The following TBC1D5 variants were observed in gnomAD, a reference collection of about 807,000 sequenced individuals.
TBC1D5 encodes TBC1 domain family member 5, also known as TBC1 domain family, member 5.
In TBC1D5, 75 loss-of-function variants were observed where a neutral mutation model predicts 100.3. The observed-to-expected ratio is 0.75, with a 90% confidence interval of 0.62 to 0.91. The LOEUF (loss-of-function observed/expected upper bound fraction) is 0.91. Ranked by LOEUF, TBC1D5 falls within the 40% of genes least tolerant of loss-of-function variation. The pLI is 0.00. For missense variants in TBC1D5, 910 were observed against 942.4 expected (o/e 0.97, Z 0.45); for synonymous variants, 323 against 325.6 (o/e 0.99, Z 0.09).
chr3:17,163,320 G>A (rs1366106310), intron 21 of TBC1D5, among the ~76,000 whole-genome samples: 1 of 150,554 alleles, frequency 6.6e-6, no homozygotes, highest in Non-Finnish European at 1.5e-5. Flanking sequence ...AGGAGACCTG[G>A]TAGCTTGGCC....
intron 1 of TBC1D5, among the ~76,000 whole-genome samples, chr3:17,687,261 A>C (rs1363210009): frequency 6.6e-6 from 1 of 152,146 alleles, no homozygotes; most frequent in Non-Finnish European, 1.5e-5. Context: ...TTCATATATC[A>C]AAATGTTTTC....
chr3:17,261,325 A>T (rs1375036917), intron 15 of TBC1D5, among the ~76,000 whole-genome samples: 1 of 152,258 alleles, frequency 6.6e-6, no homozygotes, highest in Non-Finnish European at 1.5e-5. Flanking sequence ...ACATATATAA[A>T]TGTACACATA....
intron 1 of TBC1D5, among the ~76,000 whole-genome samples, chr3:17,652,271 C>T (rs1395755482): frequency 6.6e-6 from 1 of 151,986 alleles, no homozygotes; most frequent in African/African-American, 2.4e-5. Context: ...CCTTTCTCTA[C>T]CCTACTATAT....
chr3:17,552,561 C>T (rs2096483176), intron 2 of TBC1D5, among the ~76,000 whole-genome samples: 1 of 151,984 alleles, frequency 6.6e-6, no homozygotes, highest in African/African-American at 2.4e-5. Flanking sequence ...ATTCTAGGCC[C>T]TAGGACATAG....
At chr3:17,180,306 A>G (rs2068291358) in intron 19 of TBC1D5, among the ~76,000 whole-genome samples, 1 of 152,220 alleles carries the variant, frequency 6.6e-6, no homozygotes, top group Admixed American at 6.5e-5. Context: ...CTGTGAGGAA[A>G]TACTGTTAAC....
At chr3:17,602,664 C>T (rs141120329) in intron 2 of TBC1D5, among the ~76,000 whole-genome samples, 223 of 148,104 alleles carry the variant, frequency 1.5e-3, no homozygotes, top group Middle Eastern at 3.4e-3. Context: ...GCTCCACCTC[C>T]TGGGTTCGTG....
chr3:17,284,766 C>T (rs1195492145), intron 15 of TBC1D5, among the ~76,000 whole-genome samples: 1 of 152,058 alleles, frequency 6.6e-6, no homozygotes, highest in Non-Finnish European at 1.5e-5. Flanking sequence ...TGTTTTAGAG[C>T]CAGCATTTAC....
At chr3:17,682,966 C>T (rs2069707925) in intron 1 of TBC1D5, among the ~76,000 whole-genome samples, 1 of 151,392 alleles carries the variant, frequency 6.6e-6, no homozygotes, top group East Asian at 1.9e-4. Flanking sequence ...ATTTAAGACC[C>T]AGGATGGAGG....
At chr3:17,692,768 T>C (rs1342151444) in intron 1 of TBC1D5, among the ~76,000 whole-genome samples, 3 of 152,260 alleles carry the variant, frequency 2.0e-5, no homozygotes, top group Non-Finnish European at 4.4e-5. Flanking sequence ...AGACCAGCAC[T>C]GATCTGAAGA....
At chr3:17,302,801 C>A (rs915085386) in intron 14 of TBC1D5, among the ~76,000 whole-genome samples, 1 of 152,086 alleles carries the variant, frequency 6.6e-6, no homozygotes. Flanking sequence ...AAAGTAGCTC[C>A]AAAAGAACAT....
chr3:17,290,663 T>A (rs2081632313), intron 15 of TBC1D5, among the ~76,000 whole-genome samples: 1 of 152,068 alleles, frequency 6.6e-6, no homozygotes, highest in African/African-American at 2.4e-5. Context: ...TCTTGTGGGG[T>A]TTTTTTGGGG....
chr3:17,539,295 A>T (rs2096323267), intron 2 of TBC1D5, among the ~76,000 whole-genome samples: 1 of 152,234 alleles, frequency 6.6e-6, no homozygotes, highest in Non-Finnish European at 1.5e-5. Context: ...TCCAGGTAGC[A>T]GGCTTCAGAA....
intron 1 of TBC1D5, among the ~76,000 whole-genome samples, chr3:17,737,118 G>A (rs11714069): frequency 0.021 from 3,190 of 152,238 alleles, 76 homozygotes; most frequent in Non-Finnish European, 0.027. Context: ...TACCTCTGCA[G>A]CCGGTTCCTA....
intron 1 of TBC1D5, among the ~76,000 whole-genome samples, chr3:17,699,537 G>A (rs1411484822): frequency 1.7e-4 from 17 of 97,206 alleles, no homozygotes; most frequent in Admixed American, 3.5e-4. Context: ...AAAACTTAAA[G>A]TATAATAATA....
At chr3:17,697,632 C>A (rs1434376458) in intron 1 of TBC1D5, among the ~76,000 whole-genome samples, 3 of 152,176 alleles carry the variant, frequency 2.0e-5, no homozygotes, top group Non-Finnish European at 2.9e-5. Flanking sequence ...AAGAACATCC[C>A]ACGCTCACGG....
chr3:17,484,493 G>T (rs892198248), intron 3 of TBC1D5, among the ~76,000 whole-genome samples: 197 of 126,224 alleles, frequency 1.6e-3, no homozygotes, highest in African/African-American at 5.1e-3. Flanking sequence ...TGTGTGTTTG[G>T]GTAACAATCA....
At chr3:17,670,419 C>G (rs1233878790) in intron 1 of TBC1D5, among the ~76,000 whole-genome samples, 3 of 152,152 alleles carry the variant, frequency 2.0e-5, no homozygotes, top group African/African-American at 7.2e-5. Context: ...AGAACCAGAC[C>G]AGTCTAGGCT....
chr3:17,235,483 G>C (rs1379801718), intron 17 of TBC1D5, among the ~76,000 whole-genome samples: 1 of 152,194 alleles, frequency 6.6e-6, no homozygotes, highest in Non-Finnish European at 1.5e-5. Context: ...CCTCCTGACA[G>C]GCTGAATATT....
At chr3:17,420,757 G>A (rs73040844) in intron 4 of TBC1D5, among the ~76,000 whole-genome samples, 1 of 152,090 alleles carries the variant, frequency 6.6e-6, no homozygotes, top group Admixed American at 6.5e-5. Context: ...ATTTCAACTG[G>A]GAACACCAGC....
Sources: allele counts gnomAD v4.1 joint callset (sites outside exome capture counted in the v4.1 genomes callset), GRCh38; gene constraint gnomAD v4.1.1; transcripts MANE v1.5; gene names NCBI Gene and HGNC (gene_info 2026-07-23, HGNC 2026-07-21).